The following SLC9A1 variants were observed in gnomAD, a reference collection of about 807,000 sequenced individuals.
SLC9A1 encodes the protein solute carrier family 9 member A1.
SLC9A1 carries 22 observed loss-of-function variants against 67.9 expected under a neutral mutation model. The ratio of observed to expected loss-of-function variants is 0.32; its 90% CI spans 0.23 to 0.46. The LOEUF is 0.46. Among genes scored for constraint, SLC9A1 ranks in the 20% least tolerant of loss-of-function variants. SLC9A1 has a pLI of 1.00. For synonymous variants in SLC9A1, 421 were observed against 471.8 expected (o/e 0.89, Z 1.40); for missense variants, 686 against 1,094.8 (o/e 0.63, Z 5.27).
intron 1 of SLC9A1, among the ~76,000 whole-genome samples, chr1:27,149,347 T>C (rs1313351940): frequency 6.6e-6 from 1 of 152,218 alleles, no homozygotes; most frequent in African/African-American, 2.4e-5. Context: ...CTCTGAGCCA[T>C]TTCCTCATCT....
intron 1 of SLC9A1, among the ~76,000 whole-genome samples, chr1:27,128,185 T>C (rs2083358589): frequency 6.6e-6 from 1 of 151,850 alleles, no homozygotes; most frequent in Admixed American, 6.6e-5. Context: ...ATGAGGGAGG[T>C]AGTTTCTGTC....
intron 4 of SLC9A1, among the ~76,000 whole-genome samples, chr1:27,107,100 C>CT (rs2083190206): frequency 7.8e-6 from 1 of 128,742 alleles, no homozygotes. Flanking sequence ...CCAGCCCCTC[C>CT]ACACACACAC....
chr1:27,151,204 T>C (rs576408325), intron 1 of SLC9A1, among the ~76,000 whole-genome samples: 1 of 152,136 alleles, frequency 6.6e-6, no homozygotes, highest in Non-Finnish European at 1.5e-5. Flanking sequence ...GAGGCTGAGG[T>C]AGGGATGCAT....
Position 27,118,146 on chromosome 1 carries a change from T to C in SLC9A1, c.353-3860A>G, listed in dbSNP as rs1171892909. On this transcript the variant is annotated intron_variant, in intron 1 of 11. Transcript: ENST00000263980. This position sits in a 1 kb window ranked among gnomAD's most constrained non-coding sequence, Gnocchi z 4.3. Reference sequence around the variant, plus strand: ...TCCAGAGTACCTGGGGCTGGAGCCATGTTCCTGGAGCTGGTTTCCCTGGCT... The same window carrying C: ...TCCAGAGTACCTGGGGCTGGAGCCACGTTCCTGGAGCTGGTTTCCCTGGCT... Among the ~76,000 whole-genome samples the C allele has an allele frequency of 6.6e-6, 1 of 152,172 alleles. No individual in the cohort carries two copies. Among genetic ancestry groups the C allele is most frequent in the Non-Finnish European group, 1.5e-5 (1 of 68,024 alleles).
In SLC9A1 at chr1:27,137,215, A is replaced by G. The variant is rs535865226; in HGVS notation, c.352+16768T>C. On this transcript the variant is annotated intron_variant, in intron 1 of 11. Transcript: ENST00000263980. The surrounding 1 kb of genome is among the most constrained non-coding windows in gnomAD (Gnocchi z 4.6). ...ATGGTAGGTGCTCAGAGGCAGGCTGAAAAGAAAGTGGGACAGGCAGGAGGC... is the reference window on the plus strand; with the variant it reads ...ATGGTAGGTGCTCAGAGGCAGGCTGGAAAGAAAGTGGGACAGGCAGGAGGC... 6.6e-6 allele frequency among the ~76,000 whole-genome samples: 1 copy of G among 152,386 alleles called. No homozygotes were observed. Among genetic ancestry groups the G allele is most frequent in the East Asian group, 1.9e-4 (1 of 5,182 alleles).
chr1:27,116,497 G>C (rs1299741212), intron 1 of SLC9A1, among the ~76,000 whole-genome samples: 1 of 152,222 alleles, frequency 6.6e-6, no homozygotes, highest in African/African-American at 2.4e-5. Context: ...CTCCATCCTA[G>C]GCCAAGAGGA....
At position 27,105,462 on chromosome 1, in the gene SLC9A1, C is replaced by A. The variant is rs977990265; in HGVS notation, c.1485+423G>T. ...TTACAGGTATGCATCACCATGCCCA[C>A]TAATTTTGTATTTTTAGTAGAGACG... On this transcript the variant is annotated intron_variant, in intron 5 of 11. Coordinates refer to ENST00000263980, the MANE Select transcript of SLC9A1 (RefSeq NM_003047.5). 1.0e-5 allele frequency: 5 copies of A among 480,932 alleles called. No homozygotes were observed. In the Admixed American group the frequency reaches 1.3e-4, roughly 13 times the overall value. 29.8% of individuals were successfully genotyped at this position (480,932 alleles called of 1,614,324 possible).
intron 1 of SLC9A1, among the ~76,000 whole-genome samples, chr1:27,144,072 T>A (rs1308339123): frequency 6.6e-6 from 1 of 152,220 alleles, no homozygotes; most frequent in Non-Finnish European, 1.5e-5. Flanking sequence ...AAAATAAATC[T>A]GCCATAGAAA....
chr1:27,131,947 A>AATATATATATATATATATAT (rs71010329), intron 1 of SLC9A1, among the ~76,000 whole-genome samples: 5 of 52,122 alleles, frequency 9.6e-5, no homozygotes, highest in African/African-American at 3.2e-4. Flanking sequence ...AGAAAAAAAA[A>AATATATATATATATATATAT]ATATATATAT....
At chr1:27,148,223 C>T (rs148847306) in intron 1 of SLC9A1, among the ~76,000 whole-genome samples, 6 of 152,276 alleles carry the variant, frequency 3.9e-5, no homozygotes, top group African/African-American at 1.4e-4. Context: ...ATTTGCTGCT[C>T]CACAGATAAG....
chr1:27,121,615 G>A (rs1025056902), intron 1 of SLC9A1, among the ~76,000 whole-genome samples: 18 of 152,134 alleles, frequency 1.2e-4, no homozygotes, highest in African/African-American at 3.9e-4. Context: ...CCGGAGGCAG[G>A]CATGTTGTGA....
At position 27,107,618 on chromosome 1, in the gene SLC9A1, C is replaced by A. The variant is rs548399079; in HGVS notation, c.1282+30G>T. ...CCCCCACACACACCCCACACCACAA[C>A]CCCCACCCCGCCCCAGCCCTGGCCC... On this transcript the variant is annotated intron_variant, in intron 4 of 11. Transcript: ENST00000263980. The A allele has an allele frequency of 1.0e-5, 15 of 1,486,436 alleles. No homozygotes were observed. The Admixed American group carries it at 1.2e-4, about 12-fold the overall frequency. 92.1% of individuals were successfully genotyped at this position (1,486,436 alleles called of 1,614,324 possible).
chr1:27,111,022 C>T (rs1037094609), intron 2 of SLC9A1, among the ~76,000 whole-genome samples: 1 of 152,196 alleles, frequency 6.6e-6, no homozygotes, highest in Non-Finnish European at 1.5e-5. Context: ...TGGCTTTACT[C>T]TCTGGGAAAT....
chr1:27,116,273 T>C (rs2083271679), intron 1 of SLC9A1, among the ~76,000 whole-genome samples: 1 of 151,996 alleles, frequency 6.6e-6, no homozygotes, highest in African/African-American at 2.4e-5. Flanking sequence ...GACAGGAGAA[T>C]TGCTTGAACA....
chr1:27,103,425 C>A (rs2083161888), intron 5 of SLC9A1, 113 bp from the exon 6 acceptor site: 2 of 791,782 alleles, frequency 2.5e-6, no homozygotes, highest in Admixed American at 1.8e-5. Flanking sequence ...CTCTGCTCTG[C>A]TCTCTCCCAG....
Position 27,107,644 on chromosome 1 carries a change from T to G in SLC9A1, c.1282+4A>C. 1 of 1,240,644 alleles carries G rather than the reference T, an allele frequency of 8.1e-7. No individual in the cohort carries two copies. The highest frequency in any genetic ancestry group is 1.1e-6 in the Non-Finnish European group (1 of 932,958). The allele number at this position is 1,240,644 out of a possible 1,614,324, so 76.9% of individuals were successfully genotyped here. A position where few individuals can be genotyped will look rare whatever the true frequency, so the allele number is the denominator to read the frequency against. ...CCCCACCCCGCCCCAGCCCTGGCCC[T>G]CACCCAGCACGCGGGCGATGAGGCA... On this transcript the variant is annotated splice_donor_region_variant and intron_variant, in intron 4 of 11. Transcript: ENST00000263980.
chr1:27,126,464 G>A (rs2083344658), intron 1 of SLC9A1, among the ~76,000 whole-genome samples: 1 of 152,152 alleles, frequency 6.6e-6, no homozygotes. Context: ...CTTGTCCCTT[G>A]GAGAGCCACT....
chr1:27,131,947 A>AAATATAT, intron 1 of SLC9A1, among the ~76,000 whole-genome samples: 30 of 52,116 alleles, frequency 5.8e-4, no homozygotes, highest in Non-Finnish European at 8.8e-4. Context: ...AGAAAAAAAA[A>AAATATAT]ATATATATAT....
chr1:27,127,262 A>C (rs1336402810), intron 1 of SLC9A1, among the ~76,000 whole-genome samples: 4 of 152,170 alleles, frequency 2.6e-5, no homozygotes, highest in African/African-American at 9.7e-5. Flanking sequence ...TTGCCTCCCA[A>C]AGTGCTGAGA....
Sources: gnomAD v4.1 joint callset for allele counts (sites outside exome capture counted in the v4.1 genomes callset) on GRCh38, gnomAD v4.1.1 for gene constraint, Gnocchi (gnomAD v3.1) non-coding constraint, MANE v1.5 for transcripts, NCBI Gene and HGNC (gene_info 2026-07-23, HGNC 2026-07-21) for gene names.